The following CEP85L variants were observed in gnomAD, a reference collection of about 807,000 sequenced individuals.
CEP85L encodes the protein centrosomal protein of 85 kDa-like.
A neutral mutation model predicts 100.3 loss-of-function variants in CEP85L; 60 were observed. The observed-to-expected ratio is 0.60, with a 90% CI of 0.49 to 0.74. The LOEUF is 0.74. Ranked by LOEUF, CEP85L falls within the 30% of genes least tolerant of loss-of-function variation. The pLI is 0.00. For missense variants in CEP85L, 973 were observed against 936.2 expected (o/e 1.04, Z -0.51); for synonymous variants, 319 against 322.7 (o/e 0.99, Z 0.12).
rs551030609 is a variant in CEP85L at position 118,479,997 on chromosome 6, A to G, written c.1864-76T>C. The G allele has an allele frequency of 2.3e-4, 171 of 754,964 alleles. No homozygotes were observed. The East Asian group carries it at 5.2e-3, about 23-fold the overall frequency. 46.8% of individuals were successfully genotyped at this position (754,964 alleles called of 1,614,324 possible). ...AAAAGTACCAACATTTCAAGAAAAC[A>G]GCACAGAAATTTATAAATTTATTTT... On this transcript the variant is annotated intron_variant, in intron 9 of 12. Coordinates refer to ENST00000368491, the MANE Select transcript of CEP85L (RefSeq NM_001042475.3).
At chr6:118,492,215 C>T (rs1774623142) in intron 5 of CEP85L, among the ~76,000 whole-genome samples, 1 of 151,900 alleles carries the variant, frequency 6.6e-6, no homozygotes, top group African/African-American at 2.4e-5. Flanking sequence ...GTAAATAGTA[C>T]AGTATATACA....
At chr6:118,694,970 G>A (rs560965429) in intron 1 of CEP85L, among the ~76,000 whole-genome samples, 111 of 152,220 alleles carry the variant, frequency 7.3e-4, no homozygotes, top group African/African-American at 2.6e-3. Context: ...TTTATGTAAG[G>A]TTGTTGCAAT....
intron 1 of CEP85L, among the ~76,000 whole-genome samples, chr6:118,659,275 T>C (rs1775894953): frequency 6.6e-6 from 1 of 152,198 alleles, no homozygotes; most frequent in South Asian, 2.1e-4. Flanking sequence ...CTCATGCATA[T>C]GCTGTGGATG....
intron 1 of CEP85L, chr6:118,646,889 T>G (rs1000379152): frequency 2.1e-6 from 2 of 971,668 alleles, no homozygotes; most frequent in African/African-American, 1.8e-5. Flanking sequence ...AACATGACAA[T>G]AGAGGTTATC....
intron 6 of CEP85L, among the ~76,000 whole-genome samples, chr6:118,489,546 G>A (rs1774412626): frequency 6.6e-6 from 1 of 152,148 alleles, no homozygotes. Context: ...ACAGGTATAT[G>A]AAAAGATGCT....
chr6:118,651,343 A>C lies in CEP85L; in HGVS notation c.-74T>G. On this transcript the variant is annotated 5_prime_UTR_variant, in exon 1 of 13. Transcript: ENST00000368491. ...CGTCCTCCTGCTTCTTCGGCGGCGG[A>C]AACTTGCGCGGAGCGTGGGCCTCGG... is the stretch of plus-strand genomic sequence containing the variant. 5 of 1,387,242 alleles carry C rather than the reference A, an allele frequency of 3.6e-6. No homozygotes were observed. The highest frequency in any genetic ancestry group is 4.7e-6 in the Non-Finnish European group (5 of 1,071,508). The allele number at this position is 1,387,242 out of a possible 1,614,324, so 85.9% of individuals were successfully genotyped here.
intron 4 of CEP85L, among the ~76,000 whole-genome samples, chr6:118,516,276 GA>G (rs1443481329): frequency 2.6e-5 from 4 of 152,292 alleles, no homozygotes; most frequent in Non-Finnish European, 5.9e-5. Flanking sequence ...CCAGTAATGG[GA>G]TTGCTGGGTC....
chr6:118,706,544 G>A (rs1777597691), intron 1 of CEP85L, among the ~76,000 whole-genome samples: 1 of 152,110 alleles, frequency 6.6e-6, no homozygotes, highest in Non-Finnish European at 1.5e-5. Flanking sequence ...TTATCTTAGG[G>A]TAACCTCAAC....
intron 1 of CEP85L, among the ~76,000 whole-genome samples, chr6:118,646,357 T>A (rs888367470): frequency 1.1e-4 from 17 of 152,212 alleles, no homozygotes; most frequent in African/African-American, 3.9e-4. Context: ...GTAATAATAA[T>A]AATGAATAAC....
rs1777194955 is a variant in CEP85L, at chr6:118,529,884, A to C, written c.1021-5964T>G. Among the ~76,000 whole-genome samples the C allele has an allele frequency of 2.6e-5, 4 of 152,288 alleles. No individual in the cohort carries two copies. The South Asian group carries it at 8.3e-4, about 32-fold the overall frequency. ...AAAGTTATTGAAAATGAAGCACAATATAAATGTTAATGTTTTCTTTTGTTT... is the reference window on the plus strand; with the variant it reads ...AAAGTTATTGAAAATGAAGCACAATCTAAATGTTAATGTTTTCTTTTGTTT... On this transcript the variant is annotated intron_variant, in intron 3 of 12. Transcript: ENST00000368491.
intron 2 of CEP85L, among the ~76,000 whole-genome samples, chr6:118,608,101 C>T (rs72956909): frequency 0.027 from 4,114 of 152,266 alleles, 90 homozygotes; most frequent in Non-Finnish European, 0.041. Context: ...ATTTCCTGGT[C>T]AATTATATTA....
At chr6:118,590,336 G>A (rs1433970816) in intron 2 of CEP85L, among the ~76,000 whole-genome samples, 1 of 152,166 alleles carries the variant, frequency 6.6e-6, no homozygotes, top group Admixed American at 6.5e-5. Flanking sequence ...AACAGCTTGA[G>A]GGGCTGAGCC....
rs1340135499 is a variant in CEP85L at position 118,559,973 on chromosome 6, T to C, written c.1020+5556A>G. 1.0e-4 allele frequency: 17 copies of C among 167,072 alleles called. No homozygotes were observed. In the Admixed American group the frequency reaches 1.0e-3, roughly 10 times the overall value. The allele number at this position is 167,072 out of a possible 1,614,324, so 10.3% of individuals were successfully genotyped here. A position where few individuals can be genotyped will look rare whatever the true frequency, so the allele number is the denominator to read the frequency against. ...CTATATCTTTGGAATCATGAAACCTTAAGACTTCAGAATGATTTTGCAGGT... is the reference window on the plus strand; with the variant it reads ...CTATATCTTTGGAATCATGAAACCTCAAGACTTCAGAATGATTTTGCAGGT... On this transcript the variant is annotated intron_variant, in intron 3 of 12. Transcript: ENST00000368491.
chr6:118,589,628 A>G (rs536155286), intron 2 of CEP85L: 4 of 277,732 alleles, frequency 1.4e-5, no homozygotes, highest in South Asian at 9.9e-5. Flanking sequence ...CCTGAGGAAG[A>G]TGACAAATAA....
chr6:118,533,698 CT>C (rs1323403226), intron 3 of CEP85L, among the ~76,000 whole-genome samples: 2 of 152,144 alleles, frequency 1.3e-5, no homozygotes, highest in African/African-American at 4.8e-5. Context: ...ATACAAAAAA[CT>C]TTAACAAAAT....
intron 3 of CEP85L, among the ~76,000 whole-genome samples, chr6:118,529,612 A>C (rs1327132898): frequency 8.5e-5 from 2 of 23,516 alleles, no homozygotes; most frequent in South Asian, 1.3e-3. Context: ...TGTCTCCAAA[A>C]AAAAAAAAAA....
At chr6:118,606,577 C>T (rs1046036299) in intron 2 of CEP85L, among the ~76,000 whole-genome samples, 3 of 152,192 alleles carry the variant, frequency 2.0e-5, no homozygotes, top group African/African-American at 7.2e-5. Context: ...AATTCCTGTT[C>T]CCTGGAAAGG....
chr6:118,705,560 T>C (rs963445756), intron 1 of CEP85L, among the ~76,000 whole-genome samples: 1 of 152,204 alleles, frequency 6.6e-6, no homozygotes, highest in African/African-American at 2.4e-5. Flanking sequence ...TTAACATTGT[T>C]GAGTTGTGAG....
intron 2 of CEP85L, among the ~76,000 whole-genome samples, chr6:118,625,333 G>A (rs529607050): frequency 2.2e-4 from 33 of 152,264 alleles, no homozygotes; most frequent in South Asian, 1.2e-3. Context: ...CATTTATACC[G>A]AACAAGAGTT....
Sources: allele counts gnomAD v4.1 joint callset (sites outside exome capture counted in the v4.1 genomes callset), GRCh38; gene constraint gnomAD v4.1.1; transcripts MANE v1.5; gene names NCBI Gene and HGNC (gene_info 2026-07-23, HGNC 2026-07-21).